The following ARB2A variants were observed in gnomAD, a reference collection of about 807,000 sequenced individuals.
ARB2A encodes the protein cotranscriptional regulator ARB2A.
chr5:93,744,683 C>T, the ARB2A span, among the ~76,000 whole-genome samples: 36 of 152,114 alleles, frequency 2.4e-4, no homozygotes, highest in Middle Eastern at 6.8e-3. Flanking sequence ...AGCAGGGAAA[C>T]GAAGCAGGAG....
chr5:93,617,767 T>C, the ARB2A span, among the ~76,000 whole-genome samples: 1 of 152,158 alleles, frequency 6.6e-6, no homozygotes, highest in Non-Finnish European at 1.5e-5. Flanking sequence ...TTCAAGTGTA[T>C]TTTATAAAAC....
At chr5:93,873,351 A>G in the ARB2A span, among the ~76,000 whole-genome samples, 7 of 6,512 alleles carry the variant, frequency 1.1e-3, no homozygotes, top group Non-Finnish European at 1.7e-3. Context: ...AAAGGAAAGG[A>G]AAGGAAAGGA....
At chr5:93,950,761 G>C in the ARB2A span, among the ~76,000 whole-genome samples, 1 of 151,454 alleles carries the variant, frequency 6.6e-6, no homozygotes, top group African/African-American at 2.4e-5. Flanking sequence ...TGGCCAACAG[G>C]GTCAAACCCT....
chr5:94,013,348 T>G, the ARB2A span, among the ~76,000 whole-genome samples: 1 of 151,978 alleles, frequency 6.6e-6, no homozygotes, highest in Non-Finnish European at 1.5e-5. Flanking sequence ...CAGCTAATTT[T>G]TGTAATTTTA....
At chr5:93,856,520 A>G in the ARB2A span, among the ~76,000 whole-genome samples, 1 of 152,024 alleles carries the variant, frequency 6.6e-6, no homozygotes, top group South Asian at 2.1e-4. Flanking sequence ...TTCTCGCTTC[A>G]TTTCATTCAT....
chr5:93,877,715 G>T, the ARB2A span, among the ~76,000 whole-genome samples: 1 of 152,108 alleles, frequency 6.6e-6, no homozygotes, highest in African/African-American at 2.4e-5. Context: ...TACATTCCAT[G>T]AGTCTCAGTA....
At chr5:93,877,652 G>A in the ARB2A span, among the ~76,000 whole-genome samples, 1 of 152,086 alleles carries the variant, frequency 6.6e-6, no homozygotes, top group Non-Finnish European at 1.5e-5. Context: ...AAAAATACAA[G>A]AGACATATCA....
At chr5:93,671,555 T>G in the ARB2A span, among the ~76,000 whole-genome samples, 1 of 152,148 alleles carries the variant, frequency 6.6e-6, no homozygotes, top group African/African-American at 2.4e-5. Context: ...TTTACAATTC[T>G]AATTGATAAT....
chr5:93,952,836 T>C, the ARB2A span, among the ~76,000 whole-genome samples: 2 of 152,184 alleles, frequency 1.3e-5, no homozygotes, highest in African/African-American at 4.8e-5. Context: ...TTCTAGAGTC[T>C]TCTAGGCATG....
At chr5:93,659,022 T>G in the ARB2A span, among the ~76,000 whole-genome samples, 1 of 151,978 alleles carries the variant, frequency 6.6e-6, no homozygotes, top group East Asian at 1.9e-4. Flanking sequence ...TTCTTGAAGT[T>G]TTATTTTGAA....
chr5:93,823,340 T>G, the ARB2A span, among the ~76,000 whole-genome samples: 6 of 152,288 alleles, frequency 3.9e-5, no homozygotes, highest in East Asian at 1.2e-3. Flanking sequence ...CACATAATCT[T>G]AACTCCAAGA....
chr5:93,740,923 C>T, the ARB2A span: 1 of 1,613,952 alleles, frequency 6.2e-7, no homozygotes, highest in Non-Finnish European at 8.5e-7. Flanking sequence ...TCTGCTTGCC[C>T]GTCTCCACTT....
At chr5:93,857,539 C>G in the ARB2A span, among the ~76,000 whole-genome samples, 1 of 152,182 alleles carries the variant, frequency 6.6e-6, no homozygotes, top group African/African-American at 2.4e-5. Flanking sequence ...TGATCTCAGA[C>G]TGCTGGGCTA....
chr5:93,950,958 AT>A, the ARB2A span, among the ~76,000 whole-genome samples: 199 of 146,238 alleles, frequency 1.4e-3, 1 homozygote, highest in African/African-American at 4.4e-3. Flanking sequence ...AAAAAAAAAA[AT>A]AAAATAAAAT....
the ARB2A span, chr5:93,866,201 G>A: frequency 1.2e-5 from 12 of 985,232 alleles, no homozygotes; most frequent in Non-Finnish European, 1.4e-5. Context: ...AAGAATTTCT[G>A]AGGGAATTTT....
the ARB2A span, chr5:93,824,246 GT>G: frequency 6.3e-7 from 1 of 1,586,926 alleles, no homozygotes; most frequent in Non-Finnish European, 8.6e-7. Context: ...TAGATTGCAT[GT>G]TCTTCAGGAG....
At chr5:94,012,953 C>T in the ARB2A span, among the ~76,000 whole-genome samples, 1 of 152,062 alleles carries the variant, frequency 6.6e-6, no homozygotes, top group Non-Finnish European at 1.5e-5. Flanking sequence ...TAGAAAGAAA[C>T]GGGAGGTCTG....
chr5:93,883,926 C>CAT, the ARB2A span, among the ~76,000 whole-genome samples: 3 of 21,220 alleles, frequency 1.4e-4, no homozygotes, highest in Non-Finnish European at 5.3e-4. Flanking sequence ...CATACACATA[C>CAT]ACACACACAC....
chr5:93,633,371 C>T, the ARB2A span, among the ~76,000 whole-genome samples: 37 of 152,344 alleles, frequency 2.4e-4, no homozygotes, highest in Admixed American at 2.6e-4. Flanking sequence ...ATTTGTGTCA[C>T]ATACCTCTTC....
Sources: gnomAD v4.1 joint callset for allele counts (sites outside exome capture counted in the v4.1 genomes callset) on GRCh38, gnomAD v4.1.1 for gene constraint, MANE v1.5 for transcripts, NCBI Gene and HGNC (gene_info 2026-07-23, HGNC 2026-07-21) for gene names.